The following FSTL5 variants were observed in gnomAD, a reference collection of about 807,000 sequenced individuals.
FSTL5 encodes the protein follistatin-related protein 5.
FSTL5 carries 62 observed loss-of-function variants against 89.1 expected under a neutral mutation model. That is an observed-to-expected ratio of 0.70 (90% CI 0.57 to 0.86). The LOEUF (loss-of-function observed/expected upper bound fraction) is 0.86, where lower values mean the gene tolerates loss of function less well. FSTL5 is among the 40% of genes least tolerant of loss of function. The pLI is 0.00. For synonymous variants in FSTL5, 383 were observed against 346.2 expected (o/e 1.11, Z -1.18); for missense variants, 1,057 against 1,001.6 (o/e 1.06, Z -0.75).
chr4:161,437,341 C>T (rs965921808), intron 15 of FSTL5, among the ~76,000 whole-genome samples: 43 of 151,840 alleles, frequency 2.8e-4, no homozygotes, highest in African/African-American at 9.2e-4. Flanking sequence ...CCGAGGCGGG[C>T]GGATTACGAG....
intron 2 of FSTL5, among the ~76,000 whole-genome samples, chr4:162,047,174 G>T (rs1399781343): frequency 1.3e-5 from 2 of 152,024 alleles, no homozygotes; most frequent in Non-Finnish European, 2.9e-5. Context: ...TAGGTCAATA[G>T]CATGGAGTCT....
At chr4:161,789,809 G>A (rs956697232) in intron 4 of FSTL5, among the ~76,000 whole-genome samples, 1 of 152,240 alleles carries the variant, frequency 6.6e-6, no homozygotes, top group African/African-American at 2.4e-5. Flanking sequence ...ATAGGTAAAT[G>A]TACAGAAGGG....
intron 3 of FSTL5, among the ~76,000 whole-genome samples, chr4:161,955,119 A>C (rs1459353118): frequency 2.0e-5 from 3 of 151,706 alleles, no homozygotes; most frequent in Non-Finnish European, 4.4e-5. Flanking sequence ...ATAATTTATG[A>C]GAAAAATTAT....
intron 6 of FSTL5, among the ~76,000 whole-genome samples, chr4:161,661,533 CTCATA>C (rs1356952968): frequency 6.6e-6 from 1 of 152,032 alleles, no homozygotes; most frequent in Non-Finnish European, 1.5e-5. Flanking sequence ...ATTAGTTATT[CTCATA>C]TAAGATAACC....
intron 8 of FSTL5, among the ~76,000 whole-genome samples, chr4:161,575,452 C>CT (rs912611925): frequency 2.6e-4 from 40 of 151,678 alleles, no homozygotes; most frequent in Admixed American, 2.2e-3. Flanking sequence ...TCCAGGTTTT[C>CT]TTTTTTTTCT....
chr4:161,925,105 T>C (rs1316550805), intron 3 of FSTL5, among the ~76,000 whole-genome samples: 1 of 151,790 alleles, frequency 6.6e-6, no homozygotes, highest in Non-Finnish European at 1.5e-5. Flanking sequence ...TTGGATTTGC[T>C]CTCATCCAAA....
At chr4:161,409,838 A>C (rs1268540822) in intron 15 of FSTL5, among the ~76,000 whole-genome samples, 4 of 152,224 alleles carry the variant, frequency 2.6e-5, no homozygotes, top group Non-Finnish European at 5.9e-5. Context: ...ATTAAATAAC[A>C]AACAGCTAAC....
At chr4:162,157,331 G>A (rs61643106) in intron 1 of FSTL5, among the ~76,000 whole-genome samples, 1,604 of 152,102 alleles carry the variant, frequency 0.011, 31 homozygotes, top group African/African-American at 0.036. Flanking sequence ...AATAGAATGG[G>A]GATCATGTTA....
chr4:161,499,304 AT>A (rs1408898448), intron 12 of FSTL5, among the ~76,000 whole-genome samples: 1 of 152,234 alleles, frequency 6.6e-6, no homozygotes, highest in Admixed American at 6.5e-5. Flanking sequence ...TTACTTAATA[AT>A]TTAGCCTATG....
At chr4:161,506,817 G>A (rs1176802285) in intron 11 of FSTL5, among the ~76,000 whole-genome samples, 1 of 152,008 alleles carries the variant, frequency 6.6e-6, no homozygotes, top group Admixed American at 6.6e-5. Context: ...TAACTTTGTT[G>A]TATAATTTCA....
chr4:161,578,788 G>T (rs1056047253), intron 8 of FSTL5, among the ~76,000 whole-genome samples: 1 of 151,928 alleles, frequency 6.6e-6, no homozygotes, highest in African/African-American at 2.4e-5. Flanking sequence ...TAGAAACCAT[G>T]CAAGAGCAAC....
Position 161,506,515 on chromosome 4 carries a change from T to G in FSTL5, c.1339+3883A>C, listed in dbSNP as rs369149134. Reference sequence around the variant, plus strand: ...TAGTGGCGATTTGTAAGATTTTGGTTGAACCCATCTCCTGAGCAGTATACA... The same window carrying G: ...TAGTGGCGATTTGTAAGATTTTGGTGGAACCCATCTCCTGAGCAGTATACA... On this transcript the variant is annotated intron_variant, in intron 11 of 15. Transcript: ENST00000306100. Among the ~76,000 whole-genome samples the G allele has an allele frequency of 3.9e-5, 6 of 152,186 alleles. No homozygotes were observed. In the East Asian group the frequency reaches 1.2e-3, roughly 29 times the overall value.
chr4:161,563,300 C>G (rs1352166315), intron 8 of FSTL5, among the ~76,000 whole-genome samples: 2 of 152,052 alleles, frequency 1.3e-5, no homozygotes, highest in Non-Finnish European at 2.9e-5. Context: ...TTGAAAACTT[C>G]TGGCTATATA....
chr4:161,777,107 C>T lies in FSTL5; in HGVS notation c.410-1033G>A, dbSNP rs936878939. On this transcript the variant is annotated intron_variant, in intron 4 of 15. Coordinates refer to ENST00000306100, the MANE Select transcript of FSTL5 (RefSeq NM_020116.5). ...CTTCAATTATTTTTTTCAGCTTCCA[C>T]CTTTGAGTGAGAACATGTGATATTT... Among the ~76,000 whole-genome samples, 12 of 152,014 alleles carry T rather than the reference C, an allele frequency of 7.9e-5. 1 individual carries two copies. Among genetic ancestry groups the T allele is most frequent in the Admixed American group, 7.9e-4 (12 of 15,238 alleles).
chr4:161,386,489 G>A, intron 15 of FSTL5, 40 bp from the exon 16 acceptor site: 1 of 1,445,842 alleles, frequency 6.9e-7, no homozygotes, highest in Non-Finnish European at 9.4e-7. Flanking sequence ...GGAAGCAATG[G>A]AGTTTTTAGC....
At chr4:161,516,760 A>T (rs1252750086) in intron 10 of FSTL5, among the ~76,000 whole-genome samples, 31 of 129,088 alleles carry the variant, frequency 2.4e-4, no homozygotes, top group African/African-American at 7.9e-4. Context: ...CACACACACA[A>T]TTTTTTTTTC....
Position 161,644,545 on chromosome 4 carries a change from A to G in FSTL5, c.894+11783T>C, listed in dbSNP as rs192889981. 2.6e-5 allele frequency among the ~76,000 whole-genome samples: 4 copies of G among 152,002 alleles called. No individual in the cohort carries two copies. In the East Asian group the frequency reaches 7.8e-4, roughly 29 times the overall value. ...CTGTCTCAAAAAAAAAAAAAAGAAC[A>G]GTAGTAATAAAACAATGGAATCAGA... On this transcript the variant is annotated intron_variant, in intron 7 of 15. Transcript: ENST00000306100.
intron 2 of FSTL5, among the ~76,000 whole-genome samples, chr4:162,072,027 G>A (rs1729645401): frequency 6.6e-6 from 1 of 151,686 alleles, no homozygotes; most frequent in Non-Finnish European, 1.5e-5. Context: ...TATTAGATGT[G>A]TCATTGACAT....
chr4:161,828,783 G>A (rs1430614188), intron 4 of FSTL5, among the ~76,000 whole-genome samples: 1 of 152,012 alleles, frequency 6.6e-6, no homozygotes, highest in Non-Finnish European at 1.5e-5. Context: ...AAATTTAACA[G>A]TTATATTTAT....
Sources: allele counts gnomAD v4.1 joint callset (sites outside exome capture counted in the v4.1 genomes callset), GRCh38; gene constraint gnomAD v4.1.1; transcripts MANE v1.5; gene names NCBI Gene and HGNC (gene_info 2026-07-23, HGNC 2026-07-21).